The following DLGAP2 variants were observed in gnomAD, a reference collection of about 807,000 sequenced individuals.
The protein encoded by DLGAP2 is DLG associated protein 2, also known as disks large-associated protein 2.
A neutral mutation model predicts 100.3 loss-of-function variants in DLGAP2; 26 were observed. The ratio of observed to expected loss-of-function variants is 0.26; its 90% CI spans 0.19 to 0.36. The LOEUF (loss-of-function observed/expected upper bound fraction) is 0.36, where lower values mean the gene tolerates loss of function less well. DLGAP2 is among the 10% of genes least tolerant of loss of function. The pLI, the probability that DLGAP2 is intolerant of heterozygous loss-of-function variation, is 1.00. For synonymous variants in DLGAP2, 886 were observed against 630.1 expected, an observed-to-expected ratio of 1.41 and a Z score of -6.08; for missense variants, 1,858 against 1,453.2, an observed-to-expected ratio of 1.28 and a Z score of -4.53.
chr8:1,661,646 G>A (rs1237899846), intron 8 of DLGAP2, among the ~76,000 whole-genome samples: 1 of 152,212 alleles, frequency 6.6e-6, no homozygotes. Flanking sequence ...GGCAGTCAGA[G>A]TGGATGTGAG....
At chr8:1,295,551 G>A (rs1011954171) in intron 3 of DLGAP2, among the ~76,000 whole-genome samples, 3 of 152,334 alleles carry the variant, frequency 2.0e-5, no homozygotes, top group East Asian at 3.9e-4. Context: ...AGTGGAAGGG[G>A]CTCTGGTCAG....
intron 4 of DLGAP2, among the ~76,000 whole-genome samples, chr8:1,516,488 T>C (rs1205100792): frequency 6.8e-6 from 1 of 147,448 alleles, no homozygotes; most frequent in African/African-American, 2.5e-5. Flanking sequence ...AGTGAAAGAG[T>C]ACATGAATGA....
At chr8:1,324,133 C>T (rs117975171) in intron 3 of DLGAP2, among the ~76,000 whole-genome samples, 115 of 152,234 alleles carry the variant, frequency 7.6e-4, no homozygotes, top group Non-Finnish European at 1.3e-3. Context: ...GGGAGGAAGA[C>T]GACCCCCAAA....
chr8:1,644,498 C>T lies in DLGAP2; in HGVS notation c.1810+11452C>T, dbSNP rs139156401. Among the ~76,000 whole-genome samples the T allele has an allele frequency of 8.5e-4, 129 of 152,348 alleles. 2 individuals carry two copies. In the South Asian group the frequency reaches 9.9e-3, roughly 12 times the overall value. On this transcript the variant is annotated intron_variant, in intron 8 of 14. Transcript: ENST00000637795. ...CCTTGAGTTTCTGCCTGAGTCCTAG[C>T]TGTGCTTTAAGCCCCAGCTCAGGAA...
At chr8:1,296,481 G>A (rs779567191) in intron 3 of DLGAP2, among the ~76,000 whole-genome samples, 12 of 152,162 alleles carry the variant, frequency 7.9e-5, no homozygotes, top group Non-Finnish European at 1.5e-5. Context: ...TTGTATGTGT[G>A]TCTCCAGGAA....
At position 1,683,974 on chromosome 8, in the gene DLGAP2, A is replaced by G. The variant is rs1324181647; in HGVS notation, c.2704+5345A>G. ...TGTGTGTATATATATATATATATAT[A>G]TATATATATATATACTTTTTTTTTT... On this transcript the variant is annotated intron_variant, in intron 12 of 14. Transcript: ENST00000637795. Among the ~76,000 whole-genome samples the G allele has an allele frequency of 6.3e-5, 8 of 127,618 alleles. 1 individual carries two copies. In the East Asian group the frequency reaches 6.9e-4, roughly 11 times the overall value. The allele number at this position is 127,618 out of a possible 152,430, so 83.7% of individuals were successfully genotyped here.
chr8:1,019,696 TG>T (rs1801574271), intron 2 of DLGAP2: 1 of 152,204 alleles, frequency 6.6e-6, no homozygotes, highest in South Asian at 2.1e-4. Flanking sequence ...TATAAAGATA[TG>T]TCTAGAATTC....
At chr8:1,067,476 C>A (rs1299278551) in intron 2 of DLGAP2, among the ~76,000 whole-genome samples, 1 of 152,144 alleles carries the variant, frequency 6.6e-6, no homozygotes, top group East Asian at 1.9e-4. Flanking sequence ...CTGAGGAAGC[C>A]CGTGTGGGAA....
intron 1 of DLGAP2, among the ~76,000 whole-genome samples, chr8:885,318 C>T (rs372524130): frequency 6.6e-6 from 1 of 152,026 alleles, no homozygotes; most frequent in Non-Finnish European, 1.5e-5. Context: ...GGTTTAAGTA[C>T]TTCTCCTTGA....
intron 6 of DLGAP2, among the ~76,000 whole-genome samples, chr8:1,594,500 A>G (rs1041956999): frequency 6.6e-6 from 1 of 152,188 alleles, no homozygotes; most frequent in Non-Finnish European, 1.5e-5. Flanking sequence ...AGAAGAAAGC[A>G]TCGGTGAACT....
intron 3 of DLGAP2, among the ~76,000 whole-genome samples, chr8:1,291,162 C>G (rs141897967): frequency 6.6e-6 from 1 of 152,262 alleles, no homozygotes; most frequent in Non-Finnish European, 1.5e-5. Context: ...AAATGGACCT[C>G]ACGTCTCAAT....
intron 6 of DLGAP2, among the ~76,000 whole-genome samples, chr8:1,586,665 G>T (rs1313273860): frequency 6.6e-6 from 1 of 152,232 alleles, no homozygotes; most frequent in Non-Finnish European, 1.5e-5. Flanking sequence ...CGCCTGCAGA[G>T]GTACCACGTG....
At chr8:849,383 G>A (rs9721194) in intron 1 of DLGAP2, among the ~76,000 whole-genome samples, 112,494 of 152,194 alleles carry the variant, frequency 0.74, 41,962 homozygotes, top group East Asian at 0.99. Context: ...GGTTCTGGCA[G>A]TGATGAATGA....
At chr8:1,000,134 G>A (rs902976868) in intron 2 of DLGAP2, among the ~76,000 whole-genome samples, 1 of 149,330 alleles carries the variant, frequency 6.7e-6, no homozygotes, top group Admixed American at 6.7e-5. Context: ...CCGGGTGGAC[G>A]TGGTTTTCTT....
chr8:1,291,065 C>T (rs1800047689), intron 3 of DLGAP2, among the ~76,000 whole-genome samples: 1 of 152,112 alleles, frequency 6.6e-6, no homozygotes, highest in African/African-American at 2.4e-5. Flanking sequence ...ATAGAACCTC[C>T]TGAAAACATA....
At chr8:1,519,255 T>G (rs1015253420) in intron 4 of DLGAP2, among the ~76,000 whole-genome samples, 2 of 152,164 alleles carry the variant, frequency 1.3e-5, no homozygotes, top group African/African-American at 4.8e-5. Context: ...CGCAGCGGCA[T>G]GTCCCATCCT....
intron 2 of DLGAP2, among the ~76,000 whole-genome samples, chr8:993,787 C>CTTTTTTTTTTTTTTTTTTTTTTTG (rs1800701062): frequency 1.6e-5 from 1 of 64,160 alleles, no homozygotes; most frequent in Non-Finnish European, 2.7e-5. Flanking sequence ...AACTGATTGG[C>CTTTTTTTTTTTTTTTTTTTTTTTG]TTTTTTTTTT....
intron 8 of DLGAP2, among the ~76,000 whole-genome samples, chr8:1,662,743 CCA>C: frequency 6.6e-6 from 1 of 152,354 alleles, no homozygotes. Context: ...ATAACGTGCT[CCA>C]CAGAGTGCCT....
chr8:796,455 A>C (rs1257041079), intron 1 of DLGAP2, among the ~76,000 whole-genome samples: 1 of 151,662 alleles, frequency 6.6e-6, no homozygotes, highest in Non-Finnish European at 1.5e-5. Flanking sequence ...GTTCTGTAAA[A>C]TCTTGGTAAC....
Sources: allele counts gnomAD v4.1 joint callset (sites outside exome capture counted in the v4.1 genomes callset), GRCh38; gene constraint gnomAD v4.1.1; transcripts MANE v1.5; gene names NCBI Gene and HGNC (gene_info 2026-07-23, HGNC 2026-07-21).